Variants in KCTD16 observed in about 807,000 individuals in gnomAD.
KCTD16 encodes BTB/POZ domain-containing protein KCTD16.
A neutral mutation model predicts 33.2 loss-of-function variants in KCTD16; 13 were observed. That is an observed-to-expected ratio of 0.39 (90% CI 0.25 to 0.62). The LOEUF (loss-of-function observed/expected upper bound fraction) is 0.62. Among genes scored for constraint, KCTD16 ranks in the 20% least tolerant of loss-of-function variants. KCTD16 has a pLI of 0.50. For missense variants in KCTD16, 441 were observed against 525.1 expected (o/e 0.84, Z 1.57); for synonymous variants, 197 against 195.3 (o/e 1.01, Z -0.07).
At chr5:144,350,795 A>G (rs1174648044) in intron 3 of KCTD16, among the ~76,000 whole-genome samples, 1 of 139,834 alleles carries the variant, frequency 7.2e-6, no homozygotes, top group African/African-American at 2.6e-5. Context: ...CTCTCTCTTT[A>G]CTCTTCTGAT....
chr5:144,179,061 A>G (rs1291120716), intron 2 of KCTD16, among the ~76,000 whole-genome samples: 3 of 152,224 alleles, frequency 2.0e-5, no homozygotes, highest in Admixed American at 2.0e-4. Context: ...ACCTTGAGAG[A>G]ATTCATTCCC....
chr5:144,472,790 GA>G (rs1373616309), intron 3 of KCTD16, among the ~76,000 whole-genome samples: 5 of 152,110 alleles, frequency 3.3e-5, no homozygotes, highest in African/African-American at 1.2e-4. Flanking sequence ...TCAGAGAGGA[GA>G]AAAAAGCAAA....
In KCTD16 at chr5:144,230,000, G is replaced by T. The variant is rs1244086965; in HGVS notation, c.832+22454G>T. On this transcript the variant is annotated intron_variant, in intron 3 of 3. Coordinates refer to ENST00000512467, the MANE Select transcript of KCTD16 (RefSeq NM_020768.4). ...CTACTAAAAATACAAAAATCAGCTG[G>T]ACATGGTAGCTTGTGCCTGTGGTCC... 2.6e-5 allele frequency among the ~76,000 whole-genome samples: 4 copies of T among 152,114 alleles called. No individual in the cohort carries two copies. The East Asian group carries it at 7.7e-4, about 29-fold the overall frequency.
intron 3 of KCTD16, among the ~76,000 whole-genome samples, chr5:144,302,928 G>T (rs1365595238): frequency 2.0e-5 from 3 of 152,184 alleles, no homozygotes; most frequent in Non-Finnish European, 4.4e-5. Flanking sequence ...CAGTGGAAAA[G>T]AAATGCAGCC....
At chr5:144,405,665 C>T (rs1039718233) in intron 3 of KCTD16, among the ~76,000 whole-genome samples, 1 of 152,148 alleles carries the variant, frequency 6.6e-6, no homozygotes, top group Non-Finnish European at 1.5e-5. Flanking sequence ...CTTGTAGCTC[C>T]AGGGCCAAAC....
At chr5:144,442,990 G>C (rs992738013) in intron 3 of KCTD16, among the ~76,000 whole-genome samples, 1 of 152,072 alleles carries the variant, frequency 6.6e-6, no homozygotes, top group South Asian at 2.1e-4. Context: ...TTTTCAGCCT[G>C]TTATGGTTTG....
At chr5:144,366,658 G>C (rs1751842499) in intron 3 of KCTD16, among the ~76,000 whole-genome samples, 1 of 151,982 alleles carries the variant, frequency 6.6e-6, no homozygotes, top group Non-Finnish European at 1.5e-5. Flanking sequence ...TAATCCCTGG[G>C]GTCTGCACTA....
intron 3 of KCTD16, among the ~76,000 whole-genome samples, chr5:144,315,254 C>A (rs1751873552): frequency 6.6e-6 from 1 of 152,110 alleles, no homozygotes; most frequent in Non-Finnish European, 1.5e-5. Flanking sequence ...TCCAGTAAGT[C>A]CCACTGTGAT....
chr5:144,258,368 A>G (rs1436626426), intron 3 of KCTD16, among the ~76,000 whole-genome samples: 1 of 152,126 alleles, frequency 6.6e-6, no homozygotes, highest in African/African-American at 2.4e-5. Context: ...TTATCTAGTA[A>G]TTATTTATCA....
chr5:144,415,136 G>A (rs543305321), intron 3 of KCTD16, among the ~76,000 whole-genome samples: 10 of 152,284 alleles, frequency 6.6e-5, no homozygotes, highest in Non-Finnish European at 1.2e-4. Flanking sequence ...CAAGGTGAGA[G>A]GGTGAGAGAG....
At chr5:144,209,651 A>G (rs953516610) in intron 3 of KCTD16, among the ~76,000 whole-genome samples, 4 of 151,744 alleles carry the variant, frequency 2.6e-5, no homozygotes, top group Admixed American at 2.6e-4. Context: ...CTGTGCCTAT[A>G]TAAGCATTAA....
At chr5:144,347,961 T>C (rs1270679678) in intron 3 of KCTD16, among the ~76,000 whole-genome samples, 1 of 152,188 alleles carries the variant, frequency 6.6e-6, no homozygotes, top group African/African-American at 2.4e-5. Context: ...AGCCGCATTC[T>C]TTTAGTTTCT....
intron 3 of KCTD16, among the ~76,000 whole-genome samples, chr5:144,432,513 A>G (rs1753486389): frequency 6.6e-6 from 1 of 152,182 alleles, no homozygotes; most frequent in Admixed American, 6.6e-5. Context: ...TTGAAATGAT[A>G]TCTTTGAAAA....
intron 3 of KCTD16, among the ~76,000 whole-genome samples, chr5:144,256,658 G>A (rs1208802120): frequency 1.3e-5 from 2 of 150,396 alleles, no homozygotes; most frequent in Non-Finnish European, 3.0e-5. Flanking sequence ...GACTTCCCCT[G>A]GGGCTAGCCC....
At chr5:144,338,228 T>C (rs1183590547) in intron 3 of KCTD16, among the ~76,000 whole-genome samples, 2 of 152,134 alleles carry the variant, frequency 1.3e-5, no homozygotes, top group South Asian at 2.1e-4. Context: ...GAAAAAATGT[T>C]CTTAAAAAAT....
intron 2 of KCTD16, among the ~76,000 whole-genome samples, chr5:144,181,695 C>T (rs1241190643): frequency 1.3e-5 from 2 of 152,190 alleles, no homozygotes; most frequent in Non-Finnish European, 2.9e-5. Context: ...GAAAATACTG[C>T]ATGATTTCCT....
chr5:144,323,467 G>GGAAA (rs1317917441), intron 3 of KCTD16, among the ~76,000 whole-genome samples: 2 of 152,106 alleles, frequency 1.3e-5, no homozygotes, highest in Non-Finnish European at 2.9e-5. Context: ...CAAGTAAAGG[G>GGAAA]GAAAGAAAGA....
intron 3 of KCTD16, among the ~76,000 whole-genome samples, chr5:144,324,575 T>G (rs4912971): frequency 0.33 from 50,744 of 152,054 alleles, 9,135 homozygotes; most frequent in African/African-American, 0.47. Flanking sequence ...CCATTACTGG[T>G]TATATACCCA....
chr5:144,363,431 T>C (rs1751762989), intron 3 of KCTD16, among the ~76,000 whole-genome samples: 1 of 152,064 alleles, frequency 6.6e-6, no homozygotes, highest in African/African-American at 2.4e-5. Context: ...AGGACCAATA[T>C]TGTATCTGAT....
Sources: gnomAD v4.1 joint callset for allele counts (sites outside exome capture counted in the v4.1 genomes callset) on GRCh38, gnomAD v4.1.1 for gene constraint, MANE v1.5 for transcripts, NCBI Gene and HGNC (gene_info 2026-07-23, HGNC 2026-07-21) for gene names.